WDR25: variants seen among roughly 807,000 people sequenced by gnomAD.
The protein encoded by WDR25 is WD repeat domain 25.
WDR25 carries 35 observed loss-of-function variants against 47.7 expected under a neutral mutation model. The observed-to-expected ratio is 0.73, with a 90% CI of 0.56 to 0.97. WDR25 has a LOEUF of 0.97. WDR25 is among the 50% of genes least tolerant of loss of function. The pLI is 0.00. For missense variants in WDR25, 634 were observed against 704.7 expected, an observed-to-expected ratio of 0.90 and a Z score of 1.14; for synonymous variants, 248 against 278.9, an observed-to-expected ratio of 0.89 and a Z score of 1.10.
In WDR25 at chr14:100,407,777, T is replaced by TGTCCCA. The variant is rs964259652; in HGVS notation, c.822+26032_822+26033insTCCCAG. Reference sequence around the variant, plus strand: ...CCAGTTTGGCTAGGTTGAGTCTGGGTGCCAGAGATTAGAGCTGGGATTGGA... The same window carrying TGTCCCA: ...CCAGTTTGGCTAGGTTGAGTCTGGGTGTCCCAGCCAGAGATTAGAGCTGGGATTGGA... On this transcript the variant is annotated intron_variant, in intron 2 of 6. Coordinates refer to ENST00000402312, the MANE Select transcript of WDR25 (RefSeq NM_001161476.3). This position sits in a 1 kb window ranked among gnomAD's most constrained non-coding sequence, Gnocchi z 4.1. Among the ~76,000 whole-genome samples, 1 of 152,174 alleles carries TGTCCCA rather than the reference T, an allele frequency of 6.6e-6. No homozygotes were observed. The highest frequency in any genetic ancestry group is 6.5e-5 in the Admixed American group (1 of 15,276).
At chr14:100,380,851 T>C (rs1896867120) in intron 1 of WDR25, 59 bp from the exon 2 acceptor site, 2 of 1,452,484 alleles carry the variant, frequency 1.4e-6, no homozygotes, top group South Asian at 2.6e-5. Flanking sequence ...TGGTTTCTTA[T>C]AACTACATAC....
intron 3 of WDR25, among the ~76,000 whole-genome samples, chr14:100,478,498 C>T (rs542691962): frequency 2.0e-5 from 3 of 152,258 alleles, no homozygotes; most frequent in East Asian, 1.9e-4. Context: ...TCTTAGTTAG[C>T]GAGATTTCTA....
At position 100,425,339 on chromosome 14, in the gene WDR25, G is replaced by T. The variant is rs1382592680; in HGVS notation, c.823-42682G>T. On this transcript the variant is annotated intron_variant, in intron 2 of 6. Transcript: ENST00000402312. This position sits in a 1 kb window ranked among gnomAD's most constrained non-coding sequence, Gnocchi z 4.8. ...TTGCACTGACTCATTCCAGTGCCCA[G>T]CACAGGGGTGGCACACACCCAGGAG... Among the ~76,000 whole-genome samples the T allele has an allele frequency of 6.6e-6, 1 of 152,248 alleles. No individual in the cohort carries two copies. Among genetic ancestry groups the T allele is most frequent in the Non-Finnish European group, 1.5e-5 (1 of 68,046 alleles).
chr14:100,475,759 T>G lies in WDR25; in HGVS notation c.970+7591T>G, dbSNP rs1302425479. Among the ~76,000 whole-genome samples, 55 of 152,174 alleles carry G rather than the reference T, an allele frequency of 3.6e-4. 1 individual carries two copies. Among genetic ancestry groups the G allele is most frequent in the Admixed American group, 3.3e-3 (51 of 15,284 alleles). On this transcript the variant is annotated intron_variant, in intron 3 of 6. Transcript: ENST00000402312. ...TTAATAATGTGTATTTCATAACTGC[T>G]AAAAGAATGCACTTTTAACATTCTG...
At chr14:100,391,865 A>ATTCTCC (rs1222410930) in intron 2 of WDR25, among the ~76,000 whole-genome samples, 1 of 152,114 alleles carries the variant, frequency 6.6e-6, no homozygotes, top group African/African-American at 2.4e-5. Flanking sequence ...TGCCTTTTCC[A>ATTCTCC]TTCTCCTTCT....
Position 100,502,560 on chromosome 14 carries a change from A to G in WDR25, c.1101+18436A>G, listed in dbSNP as rs566749350. On this transcript the variant is annotated intron_variant, in intron 4 of 6. Transcript: ENST00000402312. This position sits in a 1 kb window ranked among gnomAD's most constrained non-coding sequence, Gnocchi z 4.5. ...AGCTCCAGTTCCACCAGTGTCCTGG[A>G]GCTGCTCACTTTAGAGTTCTTCATT... Among the ~76,000 whole-genome samples, 108 of 152,308 alleles carry G rather than the reference A, an allele frequency of 7.1e-4. No individual in the cohort carries two copies. In the Middle Eastern group the frequency reaches 0.014, roughly 19 times the overall value.
chr14:100,489,479 T>G (rs1267933257), intron 4 of WDR25, among the ~76,000 whole-genome samples: 1 of 152,122 alleles, frequency 6.6e-6, no homozygotes, highest in African/African-American at 2.4e-5. Flanking sequence ...AAAAATAAAT[T>G]CTCCTTTTGT....
chr14:100,528,423 GTTTC>G (rs1427990363), intron 5 of WDR25, among the ~76,000 whole-genome samples: 3 of 135,958 alleles, frequency 2.2e-5, no homozygotes, highest in Non-Finnish European at 4.5e-5. Context: ...CCTTCCCTTT[GTTTC>G]TTTCTTTCTT....
chr14:100,413,600 A>T (rs914213774), intron 2 of WDR25, among the ~76,000 whole-genome samples: 7 of 151,826 alleles, frequency 4.6e-5, no homozygotes, highest in African/African-American at 1.7e-4. Flanking sequence ...TTTTTAGTAG[A>T]GATGGGGTTT....
chr14:100,462,988 C>T (rs1329414392), intron 2 of WDR25, among the ~76,000 whole-genome samples: 1 of 51,452 alleles, frequency 1.9e-5, no homozygotes, highest in African/African-American at 1.3e-4. Flanking sequence ...TTTTTCCCTT[C>T]TCCCCTTCTC....
intron 4 of WDR25, among the ~76,000 whole-genome samples, chr14:100,516,044 G>A (rs1901484638): frequency 6.6e-6 from 1 of 151,508 alleles, no homozygotes; most frequent in Non-Finnish European, 1.5e-5. Flanking sequence ...TCCAGGTCTG[G>A]TAACTTTTGA....
intron 4 of WDR25, among the ~76,000 whole-genome samples, chr14:100,520,020 T>TAC (rs1296412209): frequency 1.4e-5 from 2 of 146,710 alleles, no homozygotes; most frequent in Admixed American, 6.9e-5. Flanking sequence ...ACTATATATA[T>TAC]ACACATTGAT....
In WDR25 at chr14:100,506,308, T is replaced by C. The variant is rs1465713222; in HGVS notation, c.1102-19562T>C. On this transcript the variant is annotated intron_variant, in intron 4 of 6. Coordinates refer to ENST00000402312, the MANE Select transcript of WDR25 (RefSeq NM_001161476.3). The surrounding 1 kb of genome is among the most constrained non-coding windows in gnomAD (Gnocchi z 4.8). ...TATTTGCCACATTTTCTGTATTCAA[T>C]CTACTGTTGATGGGCACCTAGATTG... Among the ~76,000 whole-genome samples the C allele has an allele frequency of 1.3e-5, 2 of 152,238 alleles. No individual in the cohort carries two copies. Among genetic ancestry groups the C allele is most frequent in the Non-Finnish European group, 2.9e-5 (2 of 68,040 alleles).
intron 5 of WDR25, among the ~76,000 whole-genome samples, chr14:100,527,042 C>G (rs1441469251): frequency 1.0e-5 from 1 of 99,302 alleles, no homozygotes; most frequent in South Asian, 3.9e-4. Context: ...ACCATCACCA[C>G]TCTATCACCA....
intron 2 of WDR25, among the ~76,000 whole-genome samples, chr14:100,463,754 C>T (rs897473158): frequency 2.6e-5 from 4 of 152,194 alleles, no homozygotes; most frequent in Non-Finnish European, 4.4e-5. Context: ...ACCCCTTCTG[C>T]AGGCTGACCC....
At chr14:100,481,102 GCA>G (rs1900182397) in intron 3 of WDR25, 1 of 24,268 alleles carries the variant, frequency 4.1e-5, no homozygotes, top group South Asian at 2.3e-4. Context: ...ACAAAAAAGT[GCA>G]AAAAAAAAAA....
Position 100,519,266 on chromosome 14 carries a change from G to GGAGAGA in WDR25, c.1102-6585_1102-6580dup, listed in dbSNP as rs139840480. On this transcript the variant is annotated intron_variant, in intron 4 of 6. Transcript: ENST00000402312. ...TGTGTGTGTGTGTAATTTATAGGGG[G>GGAGAGA]GAGAGAGAGAGAGAGAGAGAGAGAT... 2.8e-3 allele frequency among the ~76,000 whole-genome samples: 414 copies of GGAGAGA among 147,736 alleles called. 4 individuals carry two copies. The highest frequency in any genetic ancestry group is 0.01 in the African/African-American group (400 of 39,884).
At chr14:100,474,971 T>C (rs183667465) in intron 3 of WDR25, among the ~76,000 whole-genome samples, 1 of 152,188 alleles carries the variant, frequency 6.6e-6, no homozygotes, top group African/African-American at 2.4e-5. Context: ...ATTTTTAAAA[T>C]GAGCAAAGGA....
chr14:100,484,593 CT>C (rs1900320291), intron 4 of WDR25, among the ~76,000 whole-genome samples: 1 of 152,038 alleles, frequency 6.6e-6, no homozygotes, highest in Non-Finnish European at 1.5e-5. Flanking sequence ...TTTCCTCAGT[CT>C]TAAAGGCTGG....
Sources: allele counts gnomAD v4.1 joint callset (sites outside exome capture counted in the v4.1 genomes callset), GRCh38; gene constraint gnomAD v4.1.1; non-coding constraint Gnocchi (gnomAD v3.1); transcripts MANE v1.5; gene names NCBI Gene and HGNC (gene_info 2026-07-23, HGNC 2026-07-21).